The following ATP9A variants were observed in gnomAD, a reference collection of about 807,000 sequenced individuals.
ATP9A encodes probable phospholipid-transporting ATPase IIA.
ATP9A carries 52 observed loss-of-function variants against 144.1 expected under a neutral mutation model. The ratio of observed to expected loss-of-function variants is 0.36; its 90% CI spans 0.29 to 0.45. The LOEUF is 0.45. Among genes scored for constraint, ATP9A ranks in the 20% least tolerant of loss-of-function variants. The probability of loss-of-function intolerance (pLI) is 1.00; values close to 1 mark genes in which losing one functional copy is unlikely to be tolerated. For missense variants in ATP9A, 947 were observed against 1,392.7 expected, an observed-to-expected ratio of 0.68 and a Z score of 5.09; for synonymous variants, 582 against 557.4, an observed-to-expected ratio of 1.04 and a Z score of -0.62.
intron 1 of ATP9A, among the ~76,000 whole-genome samples, chr20:51,752,765 C>G (rs79619702): frequency 0.024 from 3,683 of 152,262 alleles, 67 homozygotes; most frequent in Non-Finnish European, 0.038. Flanking sequence ...CCTCTCTCTA[C>G]TTTCTCTTTG....
At chr20:51,652,280 T>G (rs1163168543) in intron 14 of ATP9A, among the ~76,000 whole-genome samples, 1 of 152,232 alleles carries the variant, frequency 6.6e-6, no homozygotes, top group African/African-American at 2.4e-5. Context: ...CAGGCTGTAA[T>G]CGATAGCTGA....
chr20:51,681,549 G>T (rs1442212045), intron 9 of ATP9A, among the ~76,000 whole-genome samples: 1 of 150,664 alleles, frequency 6.6e-6, no homozygotes, highest in Non-Finnish European at 1.5e-5. Context: ...AGCCTCCCAA[G>T]TAACTGGGAC....
At chr20:51,679,027 T>C (rs1568817161) in intron 9 of ATP9A, among the ~76,000 whole-genome samples, 1 of 145,732 alleles carries the variant, frequency 6.9e-6, no homozygotes, top group African/African-American at 2.5e-5. Context: ...CTTGCCTATC[T>C]AAAAAAAAAA....
chr20:51,725,823 G>A lies in ATP9A; in HGVS notation c.323C>T (p.Pro108Leu). The part of the protein sequence containing the change: ...RLGALYTYWV[P>L]LGFVLAVTVI... ...AAACAATGCCGATTAACTTACCAGG[G>A]GAACCCAGTAGGTATAGAGTGCACC... is the stretch of plus-strand genomic sequence containing the variant. The change falls in exon 3 of 28, where the codon CCC (proline) becomes CTC (leucine). Residue 108 changes from proline (P) to leucine (L), a missense_variant. Pro to Leu is a moderately conservative substitution (Grantham distance 98). Transcript: ENST00000338821. 6.3e-7 allele frequency: 1 copy of A among 1,591,744 alleles called. No individual in the cohort carries two copies. The highest frequency in any genetic ancestry group is 8.6e-7 in the Non-Finnish European group (1 of 1,159,794).
At chr20:51,641,554 C>T (rs2077319014) in intron 14 of ATP9A, among the ~76,000 whole-genome samples, 2 of 150,054 alleles carry the variant, frequency 1.3e-5, no homozygotes, top group Admixed American at 6.6e-5. Context: ...GTGGCTCACA[C>T]CTGTAATCTC....
At chr20:51,608,946 T>TGTGTGC in intron 24 of ATP9A, among the ~76,000 whole-genome samples, 1 of 151,874 alleles carries the variant, frequency 6.6e-6, no homozygotes, top group Middle Eastern at 3.4e-3. Flanking sequence ...TGTGTGTGTG[T>TGTGTGC]GTGTGTGTAG....
intron 3 of ATP9A, among the ~76,000 whole-genome samples, chr20:51,720,110 A>G (rs1324140137): frequency 6.6e-6 from 1 of 152,220 alleles, no homozygotes; most frequent in East Asian, 1.9e-4. Context: ...GTTCATAAGC[A>G]ACTCTGGAGG....
At chr20:51,760,772 C>A (rs111469032) in intron 1 of ATP9A, among the ~76,000 whole-genome samples, 28,933 of 148,040 alleles carry the variant, frequency 0.2, 3,254 homozygotes, top group East Asian at 0.31. Context: ...CGCCTGTAAT[C>A]GCAACACTTT....
chr20:51,738,911 G>A (rs187608501), intron 1 of ATP9A, among the ~76,000 whole-genome samples: 84 of 152,082 alleles, frequency 5.5e-4, no homozygotes, highest in African/African-American at 1.9e-3. Context: ...GAGAAACCCC[G>A]CCTCCACTAA....
At chr20:51,629,597 G>A (rs1465939907) in intron 15 of ATP9A, among the ~76,000 whole-genome samples, 2 of 152,216 alleles carry the variant, frequency 1.3e-5, no homozygotes, top group Non-Finnish European at 2.9e-5. Context: ...GTGACAACCA[G>A]AATGTCTCTA....
At chr20:51,766,527 G>A (rs2077904467) in intron 1 of ATP9A, among the ~76,000 whole-genome samples, 1 of 152,132 alleles carries the variant, frequency 6.6e-6, no homozygotes, top group Non-Finnish European at 1.5e-5. Flanking sequence ...CAGGCATAGT[G>A]TTCAAGTCAA....
intron 17 of ATP9A, among the ~76,000 whole-genome samples, chr20:51,626,403 C>A (rs1452599907): frequency 6.6e-6 from 1 of 151,558 alleles, no homozygotes; most frequent in Admixed American, 6.6e-5. Flanking sequence ...GGAGGAGAAT[C>A]GCTTGAATCC....
intron 4 of ATP9A, among the ~76,000 whole-genome samples, chr20:51,697,684 T>C (rs543974177): frequency 6.6e-6 from 1 of 152,262 alleles, no homozygotes; most frequent in Non-Finnish European, 1.5e-5. Flanking sequence ...CAGAAATAAA[T>C]GCCCACTTCA....
At position 51,632,807 on chromosome 20, in the gene ATP9A, C is replaced by T. The variant is rs535202944; in HGVS notation, c.1669-3735G>A. Among the ~76,000 whole-genome samples the T allele has an allele frequency of 1.1e-4, 16 of 152,268 alleles. No individual in the cohort carries two copies. The South Asian group carries it at 3.3e-3, about 32-fold the overall frequency. ...ACAACCTCACCAAGATGGACATTCA[C>T]AGCACTATTTTTAGTAGTCAAAACC... On this transcript the variant is annotated intron_variant, in intron 15 of 27. Coordinates refer to ENST00000338821, the MANE Select transcript of ATP9A (RefSeq NM_006045.3).
intron 19 of ATP9A, among the ~76,000 whole-genome samples, chr20:51,619,901 A>G (rs1023191033): frequency 1.7e-4 from 25 of 146,338 alleles, no homozygotes; most frequent in Non-Finnish European, 3.0e-4. Context: ...CTGTACTTTC[A>G]TTTTCGGCCA....
chr20:51,763,604 C>T (rs1188961159), intron 1 of ATP9A, among the ~76,000 whole-genome samples: 6 of 152,096 alleles, frequency 3.9e-5, no homozygotes, highest in Admixed American at 6.6e-5. Context: ...TGAGCCACCG[C>T]ACCTGGCCAG....
intron 6 of ATP9A, among the ~76,000 whole-genome samples, chr20:51,695,302 G>A (rs981715352): frequency 2.6e-5 from 4 of 151,896 alleles, no homozygotes; most frequent in Non-Finnish European, 2.9e-5. Context: ...GGCCAACACG[G>A]TGAAACCCCG....
At chr20:51,701,254 A>G (rs983300620) in intron 4 of ATP9A, among the ~76,000 whole-genome samples, 7 of 152,228 alleles carry the variant, frequency 4.6e-5, no homozygotes, top group African/African-American at 1.7e-4. Flanking sequence ...TTGCCTATGT[A>G]TATGTGTGTA....
At chr20:51,697,787 T>C (rs146885213) in intron 4 of ATP9A, among the ~76,000 whole-genome samples, 1 of 152,174 alleles carries the variant, frequency 6.6e-6, no homozygotes, top group Non-Finnish European at 1.5e-5. Flanking sequence ...AAAAAAGTCT[T>C]AATTTTCAAC....
Sources: allele counts gnomAD v4.1 joint callset (sites outside exome capture counted in the v4.1 genomes callset), GRCh38; gene constraint gnomAD v4.1.1; transcripts MANE v1.5; gene names NCBI Gene and HGNC (gene_info 2026-07-23, HGNC 2026-07-21).